Variants in FBN2 observed in about 807,000 individuals in gnomAD.
FBN2 encodes the protein fibrillin 2.
A neutral mutation model predicts 355.6 loss-of-function variants in FBN2; 105 were observed. The ratio of observed to expected loss-of-function variants is 0.30; its 90% CI spans 0.25 to 0.35. FBN2 has a LOEUF of 0.35. Among genes scored for constraint, FBN2 ranks in the 10% least tolerant of loss-of-function variants. FBN2 has a pLI of 1.00. For synonymous variants in FBN2, 1,350 were observed against 1,301.2 expected, an observed-to-expected ratio of 1.04 and a Z score of -0.81; for missense variants, 3,280 against 3,758.7, an observed-to-expected ratio of 0.87 and a Z score of 3.33.
At chr5:128,379,913 T>G (rs1752184812) in intron 11 of FBN2, among the ~76,000 whole-genome samples, 1 of 152,098 alleles carries the variant, frequency 6.6e-6, no homozygotes, top group South Asian at 2.1e-4. Flanking sequence ...TTCACAGGTT[T>G]ACCATTTTAA....
At chr5:128,523,471 C>T (rs1756488047) in intron 4 of FBN2, among the ~76,000 whole-genome samples, 1 of 152,090 alleles carries the variant, frequency 6.6e-6, no homozygotes, top group Non-Finnish European at 1.5e-5. Context: ...CAACAACTTC[C>T]TAATGATCTT....
rs199889927 is a variant in FBN2, at chr5:128,278,874, C to T, written c.7139-33G>A. On this transcript the variant is annotated intron_variant, in intron 56 of 64. Transcript: ENST00000262464. The stretch of plus-strand genomic sequence containing the variant: ...GGCAAAGTAGAAAGAGTTAAGGATG[C>T]GGAACTGACATTTCATTATCCTGGC... The T allele has an allele frequency of 6.7e-3, 10,395 of 1,541,920 alleles. 40 individuals are homozygous for T. Among genetic ancestry groups the T allele is most frequent in the Non-Finnish European group, 8.1e-3 (9,069 of 1,122,182 alleles).
In FBN2 at chr5:128,289,456, C is replaced by T. The variant is rs184803048; in HGVS notation, c.6512-204G>A. 3.4e-4 allele frequency among the ~76,000 whole-genome samples: 52 copies of T among 152,112 alleles called. 1 individual carries two copies. The highest frequency in any genetic ancestry group is 2.9e-3 in the East Asian group (15 of 5,168). On this transcript the variant is annotated intron_variant, in intron 51 of 64. Coordinates refer to ENST00000262464, the MANE Select transcript of FBN2 (RefSeq NM_001999.4). Reference sequence around the variant, plus strand: ...AAAAAAAATTAGCCAGGCATGGTGGCGCACACCTGTAGTCCCAGCTACTTG... The same window carrying T: ...AAAAAAAATTAGCCAGGCATGGTGGTGCACACCTGTAGTCCCAGCTACTTG...
At chr5:128,269,129 A>T (rs1765198957) in intron 62 of FBN2, among the ~76,000 whole-genome samples, 2 of 151,822 alleles carry the variant, frequency 1.3e-5, no homozygotes, top group South Asian at 4.2e-4. Context: ...AAACCCCATC[A>T]TCTGACCAGG....
intron 7 of FBN2, among the ~76,000 whole-genome samples, chr5:128,415,170 C>A (rs555221975): frequency 6.6e-6 from 1 of 152,232 alleles, no homozygotes; most frequent in African/African-American, 2.4e-5. Flanking sequence ...TTTAGGGTAT[C>A]CCTCACATCT....
intron 55 of FBN2, among the ~76,000 whole-genome samples, chr5:128,284,393 G>A (rs562769771): frequency 2.6e-5 from 4 of 152,088 alleles, no homozygotes; most frequent in African/African-American, 9.7e-5. Context: ...TCACTCTGCC[G>A]TAACACTTTT....
intron 34 of FBN2, among the ~76,000 whole-genome samples, chr5:128,321,113 C>T (rs1390549877): frequency 6.6e-6 from 1 of 152,096 alleles, no homozygotes; most frequent in Non-Finnish European, 1.5e-5. Flanking sequence ...GTTCTTTCTC[C>T]AAGAAGGGTG....
At chr5:128,340,659 A>G (rs1472479999) in intron 25 of FBN2, among the ~76,000 whole-genome samples, 1 of 152,164 alleles carries the variant, frequency 6.6e-6, no homozygotes, top group East Asian at 1.9e-4. Context: ...CCAGTCTGTC[A>G]TCTACTGAGA....
chr5:128,444,319 G>A (rs1033233865), intron 7 of FBN2, among the ~76,000 whole-genome samples: 4 of 151,734 alleles, frequency 2.6e-5, no homozygotes, highest in Admixed American at 6.6e-5. Flanking sequence ...AGATCCACCC[G>A]CCTCGGCCTC....
chr5:128,443,211 T>G (rs1753969926), intron 7 of FBN2, among the ~76,000 whole-genome samples: 1 of 152,180 alleles, frequency 6.6e-6, no homozygotes, highest in Non-Finnish European at 1.5e-5. Context: ...GTTTACATGC[T>G]CTTGATCTCT....
At chr5:128,495,054 C>T (rs890747916) in intron 5 of FBN2, among the ~76,000 whole-genome samples, 35 of 152,092 alleles carry the variant, frequency 2.3e-4, no homozygotes, top group Non-Finnish European at 4.1e-4. Context: ...ACAAGGTTTA[C>T]TGACAATGTC....
chr5:128,537,621 C>T lies in FBN2; in HGVS notation c.-18G>A, dbSNP rs768065146. 2 of 1,604,806 alleles carry T rather than the reference C, an allele frequency of 1.2e-6. No homozygotes were observed. The highest frequency in any genetic ancestry group is 1.7e-6 in the Non-Finnish European group (2 of 1,177,406). On this transcript the variant is annotated 5_prime_UTR_variant, in exon 1 of 65. Coordinates refer to ENST00000262464, the MANE Select transcript of FBN2 (RefSeq NM_001999.4). ...CTCCCCATCGCCGGCGCCGAAAGCGCGCGGCCGTAGACCCGCGGAGAGGGA... is the reference window on the plus strand; with the variant it reads ...CTCCCCATCGCCGGCGCCGAAAGCGTGCGGCCGTAGACCCGCGGAGAGGGA...
chr5:128,335,855 G>T, intron 28 of FBN2, 133 bp downstream of exon 28: 1 of 958,264 alleles, frequency 1.0e-6, no homozygotes, highest in Non-Finnish European at 1.6e-6. Context: ...CACAATAACT[G>T]AGATCTGCCC....
At chr5:128,388,187 G>T (rs923492707) in intron 11 of FBN2, among the ~76,000 whole-genome samples, 7 of 152,076 alleles carry the variant, frequency 4.6e-5, no homozygotes, top group Non-Finnish European at 8.8e-5. Flanking sequence ...TTTTCCATTT[G>T]CTTGGTAGCT....
intron 19 of FBN2, among the ~76,000 whole-genome samples, chr5:128,359,357 G>A (rs116332859): frequency 0.01 from 1,523 of 152,128 alleles, 9 homozygotes; most frequent in Non-Finnish European, 0.013. Context: ...GAAGAGAACT[G>A]CTTCAGACAG....
At chr5:128,378,707 C>A in intron 12 of FBN2, 64 bp downstream of exon 12, 2 of 1,581,488 alleles carry the variant, frequency 1.3e-6, no homozygotes, top group South Asian at 1.1e-5. Context: ...TTACTTTTAA[C>A]CTCAACAGCC....
chr5:128,313,074 G>T (rs1341051329), intron 36 of FBN2, among the ~76,000 whole-genome samples: 1 of 151,994 alleles, frequency 6.6e-6, no homozygotes, highest in East Asian at 1.9e-4. Context: ...TTCTCATTTG[G>T]GACATACTGG....
intron 46 of FBN2, 122 bp downstream of exon 46, chr5:128,302,851 T>A (rs976649270): frequency 1.1e-5 from 8 of 728,514 alleles, no homozygotes; most frequent in Non-Finnish European, 2.0e-5. Context: ...ATTATATATC[T>A]TTTGGCACAT....
intron 51 of FBN2, 24 bp downstream of exon 51, chr5:128,289,857 AG>A: frequency 5.1e-6 from 7 of 1,360,636 alleles, no homozygotes; most frequent in Non-Finnish European, 6.3e-6. Flanking sequence ...ATAAGAATAT[AG>A]GAATAAAATA....
Sources: allele counts gnomAD v4.1 joint callset (sites outside exome capture counted in the v4.1 genomes callset), GRCh38; gene constraint gnomAD v4.1.1; transcripts MANE v1.5; gene names NCBI Gene and HGNC (gene_info 2026-07-23, HGNC 2026-07-21).